Variants in SLC35F3 observed in about 807,000 individuals in gnomAD.
SLC35F3 encodes the protein solute carrier family 35 member F3.
SLC35F3 carries 25 observed loss-of-function variants against 49.9 expected under a neutral mutation model. The observed-to-expected ratio is 0.50, with a 90% CI of 0.37 to 0.70. The LOEUF (loss-of-function observed/expected upper bound fraction) is 0.70, where lower values mean the gene tolerates loss of function less well. Among genes scored for constraint, SLC35F3 ranks in the 30% least tolerant of loss-of-function variants. SLC35F3 has a pLI of 0.00. For missense variants in SLC35F3, 525 were observed against 639.8 expected (o/e 0.82, Z 1.94); for synonymous variants, 275 against 265.4 (o/e 1.04, Z -0.35).
At chr1:234,213,445 T>C (rs76902044) in intron 2 of SLC35F3, 2,661 of 152,428 alleles carry the variant, frequency 0.017, 31 homozygotes, top group Non-Finnish European at 0.027. Flanking sequence ...CTGTGTGTCC[T>C]ACCTGCAGGG....
chr1:234,057,396 A>T (rs1664472761), intron 2 of SLC35F3, among the ~76,000 whole-genome samples: 2 of 152,042 alleles, frequency 1.3e-5, no homozygotes, highest in Non-Finnish European at 2.9e-5. Flanking sequence ...ATTCCACAGT[A>T]TTTTATTATT....
intron 3 of SLC35F3, among the ~76,000 whole-genome samples, chr1:234,238,610 G>A (rs1667510472): frequency 6.6e-6 from 1 of 151,768 alleles, no homozygotes; most frequent in African/African-American, 2.4e-5. Context: ...TTTTCCTCTG[G>A]CATCTCCCCC....
In SLC35F3 at chr1:234,001,382, G is replaced by T. The variant is rs543927937; in HGVS notation, c.283+95624G>T. Among the ~76,000 whole-genome samples the T allele has an allele frequency of 3.3e-5, 5 of 152,314 alleles. No homozygotes were observed. In the East Asian group the frequency reaches 9.6e-4, roughly 29 times the overall value. Reference sequence around the variant, plus strand: ...AAATGCCAGTGAGGCAATAGTGGTTGCTGTTCATTTACTCATATGACAAAT... The same window carrying T: ...AAATGCCAGTGAGGCAATAGTGGTTTCTGTTCATTTACTCATATGACAAAT... On this transcript the variant is annotated intron_variant, in intron 2 of 7. Coordinates refer to ENST00000366618, the MANE Select transcript of SLC35F3 (RefSeq NM_173508.4).
intron 2 of SLC35F3, among the ~76,000 whole-genome samples, chr1:233,910,597 A>C (rs1558175493): frequency 6.6e-6 from 1 of 152,224 alleles, no homozygotes. Context: ...AGACATTCTA[A>C]GGGTGGGCAG....
At chr1:234,078,948 C>T (rs1426916511) in intron 2 of SLC35F3, among the ~76,000 whole-genome samples, 5 of 152,156 alleles carry the variant, frequency 3.3e-5, no homozygotes, top group Non-Finnish European at 7.4e-5. Flanking sequence ...TTTCAACTGC[C>T]TCTTTTCCAG....
At chr1:234,271,684 T>C (rs200803293) in intron 3 of SLC35F3, among the ~76,000 whole-genome samples, 1 of 152,222 alleles carries the variant, frequency 6.6e-6, no homozygotes, top group East Asian at 1.9e-4. Context: ...GTCTCAGGTT[T>C]TATCATATCA....
chr1:233,973,535 A>G lies in SLC35F3; in HGVS notation c.283+67777A>G, dbSNP rs377313105. ...GCTACTTCCCAGGTTCTTGGGAGGA[A>G]TTGAGGATGCAGAGTCTTGTGAGAC... On this transcript the variant is annotated intron_variant, in intron 2 of 7. Transcript: ENST00000366618. 1.6e-4 allele frequency among the ~76,000 whole-genome samples: 25 copies of G among 152,350 alleles called. No homozygotes were observed. In the East Asian group the frequency reaches 4.4e-3, roughly 27 times the overall value.
At chr1:234,069,231 T>C (rs905693543) in intron 2 of SLC35F3, among the ~76,000 whole-genome samples, 11 of 137,920 alleles carry the variant, frequency 8.0e-5, no homozygotes, top group African/African-American at 3.0e-4. Flanking sequence ...TATAATTTTA[T>C]ATAAAAATAT....
At chr1:234,093,242 G>C (rs1406312268) in intron 2 of SLC35F3, among the ~76,000 whole-genome samples, 1 of 152,206 alleles carries the variant, frequency 6.6e-6, no homozygotes, top group Non-Finnish European at 1.5e-5. Context: ...TTGCCAGAAT[G>C]TATATTTGAG....
At chr1:233,915,292 C>G (rs563723183) in intron 2 of SLC35F3, among the ~76,000 whole-genome samples, 12 of 152,274 alleles carry the variant, frequency 7.9e-5, no homozygotes, top group African/African-American at 2.6e-4. Flanking sequence ...TCAAAAGGGT[C>G]AGAAGAAAAA....
At chr1:234,254,224 A>G (rs111789744) in intron 3 of SLC35F3, among the ~76,000 whole-genome samples, 3,238 of 152,104 alleles carry the variant, frequency 0.021, 41 homozygotes, top group Middle Eastern at 0.071. Flanking sequence ...TTCCCTATGC[A>G]CTGGCTTTCT....
intron 2 of SLC35F3, among the ~76,000 whole-genome samples, chr1:234,096,354 G>A (rs1000981493): frequency 6.6e-6 from 1 of 152,188 alleles, no homozygotes; most frequent in African/African-American, 2.4e-5. Flanking sequence ...AGGATCAGTT[G>A]TAAAGCTCTG....
intron 3 of SLC35F3, among the ~76,000 whole-genome samples, chr1:234,247,844 T>TGGGTCAGTTGGCTGGTGCATTGTTTGAC: frequency 6.6e-6 from 1 of 152,154 alleles, no homozygotes; most frequent in African/African-American, 2.4e-5. Context: ...CATTGTTTGA[T>TGGGTCAGTTGGCTGGTGCATTGTTTGAC]GGGTCAGTTG....
At position 233,951,736 on chromosome 1, in the gene SLC35F3, T is replaced by G. The variant is rs191639960; in HGVS notation, c.283+45978T>G. Among the ~76,000 whole-genome samples the G allele has an allele frequency of 2.6e-3, 399 of 151,968 alleles. 4 individuals carry two copies. The highest frequency in any genetic ancestry group is 4.3e-3 in the Admixed American group (66 of 15,250). On this transcript the variant is annotated intron_variant, in intron 2 of 7. Transcript: ENST00000366618. ...TTCTTCTTTTTGTGTGTGTGTGTGTTTTGTTTTGTTTTTTTGTTTTGAGAG... is the reference window on the plus strand; with the variant it reads ...TTCTTCTTTTTGTGTGTGTGTGTGTGTTGTTTTGTTTTTTTGTTTTGAGAG...
intron 2 of SLC35F3, among the ~76,000 whole-genome samples, chr1:233,917,028 A>G (rs1661984246): frequency 1.3e-5 from 2 of 152,230 alleles, no homozygotes; most frequent in African/African-American, 4.8e-5. Context: ...CAAATGTATT[A>G]GCTCCTCAGG....
chr1:234,296,895 T>G (rs903001190), intron 3 of SLC35F3, among the ~76,000 whole-genome samples: 4 of 152,234 alleles, frequency 2.6e-5, no homozygotes, highest in Non-Finnish European at 4.4e-5. Flanking sequence ...CTAAAATTTC[T>G]TGTAGGCTGC....
chr1:233,970,107 A>G (rs59214914), intron 2 of SLC35F3, among the ~76,000 whole-genome samples: 1,828 of 152,248 alleles, frequency 0.012, 45 homozygotes, highest in African/African-American at 0.042. Context: ...AGGAAAGGAG[A>G]TGATGGGCAA....
intron 2 of SLC35F3, among the ~76,000 whole-genome samples, chr1:233,907,504 G>C (rs1571973938): frequency 6.6e-6 from 1 of 152,180 alleles, no homozygotes; most frequent in East Asian, 1.9e-4. Context: ...AGCAGGGAAG[G>C]CTACAGTGAT....
intron 3 of SLC35F3, among the ~76,000 whole-genome samples, chr1:234,248,095 G>T (rs969844237): frequency 2.0e-5 from 3 of 152,116 alleles, no homozygotes; most frequent in Admixed American, 1.3e-4. Context: ...CCATTGTTTG[G>T]GGGGCTGGTT....
Sources: gnomAD v4.1 joint callset for allele counts (sites outside exome capture counted in the v4.1 genomes callset) on GRCh38, gnomAD v4.1.1 for gene constraint, MANE v1.5 for transcripts, NCBI Gene and HGNC (gene_info 2026-07-23, HGNC 2026-07-21) for gene names.